RAB27A: variants seen among roughly 807,000 people sequenced by gnomAD.
RAB27A encodes ras-related protein Rab-27A.
A neutral mutation model predicts 20.8 loss-of-function variants in RAB27A; 17 were observed. The observed-to-expected ratio is 0.82, with a 90% CI of 0.56 to 1.23. The LOEUF (loss-of-function observed/expected upper bound fraction) is 1.23, where lower values mean the gene tolerates loss of function less well. Ranked by LOEUF, RAB27A falls within the 50% of genes most tolerant of loss-of-function variation. The probability of loss-of-function intolerance (pLI) is 0.00; values close to 1 mark genes in which losing one functional copy is unlikely to be tolerated. For missense variants in RAB27A, 277 were observed against 266.7 expected (o/e 1.04, Z -0.27); for synonymous variants, 85 against 92.8 (o/e 0.92, Z 0.48).
chr15:55,297,916 G>C (rs897109019), intron 2 of RAB27A, among the ~76,000 whole-genome samples: 1 of 152,052 alleles, frequency 6.6e-6, no homozygotes, highest in African/African-American at 2.4e-5. Flanking sequence ...AAAAATCCCA[G>C]TTGTGGCCAG....
chr15:55,237,019 C>G (rs1357108187), intron 2 of RAB27A, among the ~76,000 whole-genome samples: 1 of 152,144 alleles, frequency 6.6e-6, no homozygotes, highest in Non-Finnish European at 1.5e-5. Flanking sequence ...CCAATAAACT[C>G]TCCTGAAAAT....
chr15:55,251,302 T>C (rs1174470987), intron 2 of RAB27A, among the ~76,000 whole-genome samples: 1 of 152,064 alleles, frequency 6.6e-6, no homozygotes, highest in Non-Finnish European at 1.5e-5. Flanking sequence ...AAGAAGACCA[T>C]AGGAAGAGTC....
chr15:55,272,015 G>A (rs746968425), intron 1 of RAB27A, among the ~76,000 whole-genome samples: 32 of 152,082 alleles, frequency 2.1e-4, no homozygotes, highest in Admixed American at 4.6e-4. Flanking sequence ...CGAGAATTTT[G>A]AGAACAATTT....
At chr15:55,304,064 G>GT (rs2054987379) in intron 2 of RAB27A, among the ~76,000 whole-genome samples, 1 of 152,052 alleles carries the variant, frequency 6.6e-6, no homozygotes, top group South Asian at 2.1e-4. Flanking sequence ...GATGGTTGCC[G>GT]TGTCTGTGTA....
intron 1 of RAB27A, chr15:55,289,120 CA>C (rs1329370981): frequency 6.6e-6 from 1 of 152,336 alleles, no homozygotes; most frequent in Non-Finnish European, 1.5e-5. Flanking sequence ...CCCTTCGCTT[CA>C]GGCCTGACTT....
At chr15:55,275,738 C>T (rs1897848083) in intron 1 of RAB27A, among the ~76,000 whole-genome samples, 1 of 151,352 alleles carries the variant, frequency 6.6e-6, no homozygotes, top group Admixed American at 6.6e-5. Flanking sequence ...ACCAAAAAAA[C>T]AACCCCCAAA....
At chr15:55,280,195 T>G (rs1897977970) in intron 1 of RAB27A, among the ~76,000 whole-genome samples, 1 of 152,222 alleles carries the variant, frequency 6.6e-6, no homozygotes, top group Non-Finnish European at 1.5e-5. Flanking sequence ...GTGCTGCCTC[T>G]GTCCCTGAGA....
chr15:55,263,588 T>C (rs573373994), intron 2 of RAB27A, among the ~76,000 whole-genome samples: 1 of 152,318 alleles, frequency 6.6e-6, no homozygotes, highest in South Asian at 2.1e-4. Context: ...CACTAGATTA[T>C]AAAAATGCCA....
intron 2 of RAB27A, among the ~76,000 whole-genome samples, chr15:55,302,467 C>T (rs1424395554): frequency 3.3e-5 from 5 of 152,104 alleles, no homozygotes; most frequent in South Asian, 2.1e-4. Context: ...CCCAAAGTGC[C>T]GAGATGGCAG....
chr15:55,283,010 T>C (rs980131409), intron 1 of RAB27A, among the ~76,000 whole-genome samples: 33 of 152,120 alleles, frequency 2.2e-4, no homozygotes, highest in African/African-American at 8.0e-4. Context: ...ACAACAGCGG[T>C]AGTTAGGCTT....
intron 1 of RAB27A, among the ~76,000 whole-genome samples, chr15:55,287,408 T>A (rs1400073440): frequency 6.6e-6 from 1 of 152,170 alleles, no homozygotes; most frequent in African/African-American, 2.4e-5. Context: ...AACCCTTACA[T>A]CTATTTTAGA....
intron 2 of RAB27A, among the ~76,000 whole-genome samples, chr15:55,302,385 GC>G (rs2141142725): frequency 6.6e-6 from 1 of 152,008 alleles, no homozygotes; most frequent in Non-Finnish European, 1.5e-5. Context: ...GCTCAATGGT[GC>G]CCAGGCTGGA....
chr15:55,224,135 A>C (rs1595688382), intron 5 of RAB27A, 123 bp from the exon 6 acceptor site: 1 of 732,272 alleles, frequency 1.4e-6, no homozygotes, highest in African/African-American at 1.8e-5. Flanking sequence ...AATTGACATA[A>C]TGCTTTCAAA....
At chr15:55,221,471 G>A (rs142364031) in intron 6 of RAB27A, among the ~76,000 whole-genome samples, 25 of 152,160 alleles carry the variant, frequency 1.6e-4, no homozygotes, top group African/African-American at 4.8e-4. Context: ...TGCCTCTCAG[G>A]GGAGCAGGGG....
In RAB27A at chr15:55,252,704, G is replaced by A. The variant is rs550449885; in HGVS notation, c.-23+17461C>T. On this transcript the variant is annotated intron_variant, in intron 2 of 6. Coordinates refer to ENST00000336787, the MANE Select transcript of RAB27A (RefSeq NM_183235.3). Reference sequence around the variant, plus strand: ...GACAGACAGATAGATACAGATATACGTATCTATCTATCTATATACAAAAAA... The same window carrying A: ...GACAGACAGATAGATACAGATATACATATCTATCTATCTATATACAAAAAA... Among the ~76,000 whole-genome samples the A allele has an allele frequency of 1.4e-4, 22 of 151,948 alleles. No homozygotes were observed. In the South Asian group the frequency reaches 2.3e-3, roughly 16 times the overall value.
intron 6 of RAB27A, among the ~76,000 whole-genome samples, chr15:55,217,266 C>T (rs981771300): frequency 1.3e-5 from 2 of 152,048 alleles, no homozygotes; most frequent in African/African-American, 4.8e-5. Flanking sequence ...AGAGTTCACT[C>T]CACTCTCAGC....
intron 6 of RAB27A, among the ~76,000 whole-genome samples, chr15:55,217,558 G>A (rs1381481379): frequency 6.6e-6 from 1 of 150,740 alleles, no homozygotes; most frequent in Admixed American, 6.6e-5. Flanking sequence ...CCAGCTACTC[G>A]GGAGGGTGAG....
At chr15:55,291,489 C>T (rs1192782291), upstream of RAB27A, among the ~76,000 whole-genome samples, 3 of 122,050 alleles carry the variant, frequency 2.5e-5, no homozygotes, top group Admixed American at 2.2e-4. Flanking sequence ...CCAGCCTGGG[C>T]GACCGAGCGA....
At chr15:55,301,321 A>G (rs12911948) in intron 2 of RAB27A, among the ~76,000 whole-genome samples, 6,487 of 152,084 alleles carry the variant, frequency 0.043, 214 homozygotes, top group Middle Eastern at 0.055. Flanking sequence ...ATTTAAAATG[A>G]CAATTTAAAA....
Sources: allele counts gnomAD v4.1 joint callset (sites outside exome capture counted in the v4.1 genomes callset), GRCh38; gene constraint gnomAD v4.1.1; transcripts MANE v1.5; gene names NCBI Gene and HGNC (gene_info 2026-07-23, HGNC 2026-07-21).